Variants in NCOA6 observed in about 807,000 individuals in gnomAD.
NCOA6 encodes NRC RAP250.
Under a neutral mutation model 171.4 loss-of-function variants are expected in NCOA6, and 49 were observed. That is an observed-to-expected ratio of 0.29 (90% CI 0.23 to 0.36). The LOEUF is 0.36. Ranked by LOEUF, NCOA6 falls within the 10% of genes least tolerant of loss-of-function variation. NCOA6 has a pLI of 1.00. For missense variants in NCOA6, 2,248 were observed against 2,554.5 expected, an observed-to-expected ratio of 0.88 and a Z score of 2.59; for synonymous variants, 910 against 927.5, an observed-to-expected ratio of 0.98 and a Z score of 0.34.
At chr20:34,735,765 C>T (rs2075936170) in intron 12 of NCOA6, among the ~76,000 whole-genome samples, 1 of 152,144 alleles carries the variant, frequency 6.6e-6, no homozygotes, top group Non-Finnish European at 1.5e-5. Flanking sequence ...TCCTATCAGT[C>T]ACACAGGATG....
chr20:34,744,592 TCAA>T (rs2076248696), intron 10 of NCOA6, among the ~76,000 whole-genome samples: 1 of 152,234 alleles, frequency 6.6e-6, no homozygotes, highest in African/African-American at 2.4e-5. Context: ...GACTCAGCAC[TCAA>T]TTAATGTCTT....
In NCOA6 at chr20:34,741,072, T is replaced by C. The variant is rs2076126531; in HGVS notation, c.5184A>G (p.Thr1728=). 6.2e-7 allele frequency: 1 copy of C among 1,614,198 alleles called. No homozygotes were observed. Among genetic ancestry groups the C allele is most frequent in the Non-Finnish European group, 8.5e-7 (1 of 1,180,034 alleles). Residue 1728 remains threonine (T), a synonymous_variant, in exon 11 of 15, where the codon ACA becomes ACG. Coordinates refer to ENST00000359003, the MANE Select transcript of NCOA6 (RefSeq NM_014071.5). ...LSSSPAPNIQ[T]GRPLVLSSRA... ...GTGAGCTAAGGACCAAAGGTCGACC[T>C]GTCTGGATGTTTGGAGCAGGACTAC... is the stretch of plus-strand genomic sequence containing the variant.
intron 2 of NCOA6, among the ~76,000 whole-genome samples, chr20:34,784,776 T>C (rs551532361): frequency 1.3e-5 from 2 of 151,786 alleles, no homozygotes; most frequent in South Asian, 4.2e-4. Context: ...AACATTTTTG[T>C]CTCTAAAAAT....
At chr20:34,758,438 G>A (rs1003323148) in intron 6 of NCOA6, among the ~76,000 whole-genome samples, 1 of 152,112 alleles carries the variant, frequency 6.6e-6, no homozygotes, top group African/African-American at 2.4e-5. Flanking sequence ...ACTTAGATGC[G>A]TTTCTTCACT....
intron 1 of NCOA6, among the ~76,000 whole-genome samples, chr20:34,795,860 G>A (rs2078049807): frequency 6.6e-6 from 1 of 152,066 alleles, no homozygotes; most frequent in African/African-American, 2.4e-5. Flanking sequence ...CTAAAGCACA[G>A]GGTTATAAAG....
At chr20:34,796,423 C>T (rs909398313) in intron 1 of NCOA6, among the ~76,000 whole-genome samples, 9 of 151,940 alleles carry the variant, frequency 5.9e-5, no homozygotes, top group Non-Finnish European at 1.0e-4. Flanking sequence ...AGTTTGAGAT[C>T]AGCCTGGGCA....
intron 1 of NCOA6, among the ~76,000 whole-genome samples, chr20:34,812,205 A>G (rs1178340687): frequency 6.6e-6 from 1 of 151,510 alleles, no homozygotes; most frequent in Admixed American, 6.6e-5. Context: ...GTGAGCTGAG[A>G]TTGCGCCACT....
In NCOA6 at chr20:34,803,465, T is replaced by TA. The variant is rs959568257; in HGVS notation, c.-163-10903dup. Among the ~76,000 whole-genome samples the TA allele has an allele frequency of 4.7e-4, 57 of 121,330 alleles. 1 individual carries two copies. The highest frequency in any genetic ancestry group is 3.8e-3 in the South Asian group (15 of 3,958). The allele number at this position is 121,330 out of a possible 152,430, so 79.6% of individuals were successfully genotyped here. A position where few individuals can be genotyped will look rare whatever the true frequency, so the allele number is the denominator to read the frequency against. Reference sequence around the variant, plus strand: ...CTGGGTGACAGAGCAAGACTTGGTCTAAAAAAAAAAAGAAAAAAAAAACAA... The same window carrying TA: ...CTGGGTGACAGAGCAAGACTTGGTCTAAAAAAAAAAAAGAAAAAAAAAACAA... On this transcript the variant is annotated intron_variant, in intron 1 of 14. Transcript: ENST00000359003.
intron 5 of NCOA6, among the ~76,000 whole-genome samples, chr20:34,764,008 C>CTT (rs2076895163): frequency 1.1e-4 from 8 of 75,188 alleles, no homozygotes; most frequent in African/African-American, 2.9e-4. Flanking sequence ...TCACCTTTGA[C>CTT]ATTTTTTTTT....
chr20:34,774,350 C>A (rs1218948060), intron 4 of NCOA6, among the ~76,000 whole-genome samples: 1 of 152,182 alleles, frequency 6.6e-6, no homozygotes, highest in Non-Finnish European at 1.5e-5. Context: ...ATTAATTGTA[C>A]TTTTCTGGAT....
intron 4 of NCOA6, among the ~76,000 whole-genome samples, chr20:34,771,013 T>C (rs2077133865): frequency 6.6e-6 from 1 of 152,226 alleles, no homozygotes; most frequent in Non-Finnish European, 1.5e-5. Context: ...ATGAGCCACA[T>C]ATGCAATTTA....
chr20:34,771,293 TATTTTAA>T (rs1162491572), intron 4 of NCOA6, among the ~76,000 whole-genome samples: 2 of 151,992 alleles, frequency 1.3e-5, no homozygotes, highest in East Asian at 3.9e-4. Flanking sequence ...CTAATTTTTT[TATTTTAA>T]ATTTTAAATT....
In NCOA6 at chr20:34,740,993, G is replaced by A. The variant is rs755991725; in HGVS notation, c.5263C>T (p.Pro1755Ser). The A allele has an allele frequency of 6.2e-6, 10 of 1,614,082 alleles. No individual in the cohort carries two copies. In the African/African-American group the frequency reaches 1.1e-4, roughly 17 times the overall value. The change falls in exon 11 of 15, where the codon CCT becomes TCT. Residue 1755 changes from proline to serine, a missense_variant. Physicochemically the swap from Pro to Ser is moderately conservative, Grantham distance 74 (BLOSUM62 -1). Coordinates refer to ENST00000359003, the MANE Select transcript of NCOA6 (RefSeq NM_014071.5). ...SPPCTSSPVV[P>S]SHPPVQQVKE... ...ACTTGCTGCACAGGGGGATGAGAAGGGACAACTGGAGAAGACGTACAAGGA... is the reference window on the plus strand; with the variant it reads ...ACTTGCTGCACAGGGGGATGAGAAGAGACAACTGGAGAAGACGTACAAGGA...
intron 10 of NCOA6, among the ~76,000 whole-genome samples, chr20:34,746,258 T>G (rs1332414941): frequency 2.0e-5 from 3 of 151,760 alleles, no homozygotes; most frequent in African/African-American, 7.3e-5. Flanking sequence ...CATGGTTTTT[T>G]TTTTTTTTTT....
chr20:34,776,144 G>C, intron 4 of NCOA6, 149 bp downstream of exon 4: 1 of 977,240 alleles, frequency 1.0e-6, no homozygotes, highest in Non-Finnish European at 1.5e-6. Context: ...TCATCCTAAG[G>C]TGCTGCAAAG....
intron 9 of NCOA6, among the ~76,000 whole-genome samples, chr20:34,748,550 T>TA (rs1337960737): frequency 1.3e-5 from 2 of 152,236 alleles, no homozygotes; most frequent in Non-Finnish European, 2.9e-5. Flanking sequence ...ATTATTTTTT[T>TA]ATGATTAAAG....
At chr20:34,732,047 T>C (rs955046798) in intron 13 of NCOA6, among the ~76,000 whole-genome samples, 1 of 152,096 alleles carries the variant, frequency 6.6e-6, no homozygotes, top group Non-Finnish European at 1.5e-5. Context: ...TTTTGGAAAA[T>C]GGTAATATTC....
chr20:34,719,305 T>C (rs753232033), intron 14 of NCOA6, among the ~76,000 whole-genome samples: 1 of 152,112 alleles, frequency 6.6e-6, no homozygotes, highest in Non-Finnish European at 1.5e-5. Context: ...ACTGTACTAT[T>C]TCTATCCGAG....
Position 34,749,808 on chromosome 20 carries a change from T to G in NCOA6, c.2387A>C (p.His796Pro), listed in dbSNP as rs1441523504. The G allele has an allele frequency of 3.1e-6, 5 of 1,614,134 alleles. No individual in the cohort carries two copies. The African/African-American group carries it at 5.3e-5, about 17-fold the overall frequency. The change falls in exon 9 of 15, where the codon CAC becomes CCC. Residue 796 changes from histidine (H) to proline (P), a missense_variant. His to Pro is a moderately conservative substitution (Grantham distance 77, BLOSUM62 -2). This residue lies in a region of NCOA6 where 987 missense variants were observed against 1,104.7 expected (regional missense o/e 0.89). Coordinates refer to ENST00000359003, the MANE Select transcript of NCOA6 (RefSeq NM_014071.5). Reference protein sequence around the residue: ...QVLRPPGPSPHMAQQHGDPAT... With the variant: ...QVLRPPGPSPPMAQQHGDPAT... ...AGGATCACCATGCTGCTGGGCCATG[T>G]GTGGGCTGGGCCCTGGTGGCCGCAG...
Sources: gnomAD v4.1 joint callset for allele counts (sites outside exome capture counted in the v4.1 genomes callset) on GRCh38, gnomAD v4.1.1 for gene constraint, gnomAD v4.1.1 regional missense constraint, MANE v1.5 for transcripts, NCBI Gene and HGNC (gene_info 2026-07-23, HGNC 2026-07-21) for gene names.